Variants in UBR2 observed in about 807,000 individuals in gnomAD.
UBR2 encodes the protein ubiquitin protein ligase E3 component n-recognin 2.
A neutral mutation model predicts 247.9 loss-of-function variants in UBR2; 92 were observed. That is an observed-to-expected ratio of 0.37 (90% CI 0.31 to 0.44). UBR2 has a LOEUF of 0.44. Among genes scored for constraint, UBR2 ranks in the 20% least tolerant of loss-of-function variants. UBR2 has a pLI of 1.00. For synonymous variants in UBR2, 672 were observed against 693.5 expected (o/e 0.97, Z 0.49); for missense variants, 1,613 against 2,112.6 (o/e 0.76, Z 4.64).
intron 18 of UBR2, among the ~76,000 whole-genome samples, chr6:42,643,450 G>A (rs1796560571): frequency 6.6e-6 from 1 of 152,004 alleles, no homozygotes; most frequent in Admixed American, 6.6e-5. Flanking sequence ...ACAAAAATTA[G>A]CCTGGCATGG....
chr6:42,602,734 CTA>C (rs1224973223), intron 4 of UBR2, among the ~76,000 whole-genome samples: 1 of 144,926 alleles, frequency 6.9e-6, no homozygotes, highest in Non-Finnish European at 1.5e-5. Context: ...ATATTTTGCA[CTA>C]TGTTTTATTT....
At chr6:42,628,588 T>C (rs1438987150) in intron 11 of UBR2, among the ~76,000 whole-genome samples, 3 of 151,990 alleles carry the variant, frequency 2.0e-5, no homozygotes, top group Non-Finnish European at 4.4e-5. Context: ...CTGGGCATGG[T>C]GGCAGGTGCT....
intron 21 of UBR2, among the ~76,000 whole-genome samples, chr6:42,646,625 T>TG (rs1314307471): frequency 6.6e-6 from 1 of 152,100 alleles, no homozygotes; most frequent in African/African-American, 2.4e-5. Flanking sequence ...TGGTATCTAG[T>TG]GGGTAGAGGC....
intron 36 of UBR2, 91 bp from the exon 37 acceptor site, chr6:42,673,700 A>T: frequency 1.2e-6 from 1 of 832,598 alleles, no homozygotes. Context: ...GAGCAGTTTC[A>T]TTGTGCATCC....
Position 42,646,810 on chromosome 6 carries a change from T to TAG in UBR2, c.2409+1221_2409+1222insGA, listed in dbSNP as rs200969308. Among the ~76,000 whole-genome samples the TAG allele has an allele frequency of 2.0e-3, 286 of 146,554 alleles. 2 individuals are homozygous for TAG. The highest frequency in any genetic ancestry group is 6.3e-3 in the African/African-American group (247 of 39,168). On this transcript the variant is annotated intron_variant, in intron 21 of 46. Coordinates refer to ENST00000372901, the MANE Select transcript of UBR2 (RefSeq NM_001363705.2). The stretch of plus-strand genomic sequence containing the variant: ...ACAATAATTTATATATATATGTTTA[T>TAG]ATATATATATAGAGAGAGAGAGAGA...
chr6:42,633,972 C>G (rs1006087213), intron 13 of UBR2, among the ~76,000 whole-genome samples: 1 of 152,138 alleles, frequency 6.6e-6, no homozygotes, highest in Non-Finnish European at 1.5e-5. Context: ...CTCAAGTGAT[C>G]CGCCCACCTC....
At chr6:42,666,872 C>T (rs1359578100) in intron 34 of UBR2, among the ~76,000 whole-genome samples, 1 of 152,140 alleles carries the variant, frequency 6.6e-6, no homozygotes, top group Non-Finnish European at 1.5e-5. Context: ...CCAGCACCAC[C>T]ACTTATTAGC....
At chr6:42,610,116 G>A (rs1012235983) in intron 7 of UBR2, among the ~76,000 whole-genome samples, 1 of 152,142 alleles carries the variant, frequency 6.6e-6, no homozygotes, top group East Asian at 1.9e-4. Flanking sequence ...GTTCAAGGCT[G>A]TAGTATGTGA....
chr6:42,659,604 T>TA lies in UBR2; in HGVS notation c.3243-51dup. 4 of 1,525,760 alleles carry TA rather than the reference T, an allele frequency of 2.6e-6. No individual in the cohort carries two copies. Among genetic ancestry groups the TA allele is most frequent in the Non-Finnish European group, 3.6e-6 (4 of 1,116,332 alleles). The allele number at this position is 1,525,760 out of a possible 1,614,324, so 94.5% of individuals were successfully genotyped here. A position where few individuals can be genotyped will look rare whatever the true frequency, so the allele number is the denominator to read the frequency against. ...TACCTGTAGTCTGCTATTTTGTGAT[T>TA]ATATAGAAAGTTTTGGGATCATTAA... On this transcript the variant is annotated intron_variant, in intron 29 of 46. Transcript: ENST00000372901. The surrounding 1 kb of genome is among the most constrained non-coding windows in gnomAD (Gnocchi z 4.3).
chr6:42,597,097 C>A (rs1793023675), intron 4 of UBR2, among the ~76,000 whole-genome samples: 1 of 152,186 alleles, frequency 6.6e-6, no homozygotes. Context: ...AATCTGCCTA[C>A]ATTTGCTCTG....
At chr6:42,616,152 T>C (rs1794533440) in intron 10 of UBR2, 62 bp downstream of exon 10, 2 of 1,158,160 alleles carry the variant, frequency 1.7e-6, no homozygotes, top group Non-Finnish European at 2.4e-6. Flanking sequence ...CATAATTATA[T>C]CTAGGCTTCA....
chr6:42,605,062 AC>A (rs1363464516), intron 5 of UBR2, among the ~76,000 whole-genome samples: 1 of 151,732 alleles, frequency 6.6e-6, no homozygotes, highest in Non-Finnish European at 1.5e-5. Flanking sequence ...ACCATTATAA[AC>A]TGTGCAAGAT....
chr6:42,635,823 A>T (rs1796055700), intron 14 of UBR2, among the ~76,000 whole-genome samples: 2 of 152,216 alleles, frequency 1.3e-5, no homozygotes, highest in South Asian at 2.1e-4. Flanking sequence ...GACTTTGAGG[A>T]TATAAAAATG....
At chr6:42,630,185 C>CTT (rs771762360) in intron 11 of UBR2, among the ~76,000 whole-genome samples, 1 of 137,944 alleles carries the variant, frequency 7.2e-6, no homozygotes. Flanking sequence ...TTATTATTTA[C>CTT]TTTTTTTTTT....
In UBR2 at chr6:42,631,885, TATATAA is replaced by T. The variant is rs1363216273; in HGVS notation, c.1282-663_1282-658del. On this transcript the variant is annotated intron_variant, in intron 11 of 46. Transcript: ENST00000372901. The stretch of plus-strand genomic sequence containing the variant: ...TTATATATATATATATATATATATA[TATATAA>T]ATACAGGTTCTGTAATTATATATAT... 2.3e-4 allele frequency among the ~76,000 whole-genome samples: 30 copies of T among 128,098 alleles called. 1 individual carries two copies. Among genetic ancestry groups the T allele is most frequent in the South Asian group, 9.8e-4 (4 of 4,080 alleles). 84.0% of individuals were successfully genotyped at this position (128,098 alleles called of 152,430 possible).
chr6:42,622,390 T>G (rs1207723514), intron 11 of UBR2, among the ~76,000 whole-genome samples: 3 of 149,478 alleles, frequency 2.0e-5, no homozygotes, highest in South Asian at 2.1e-4. Context: ...ACATTGTTTT[T>G]GGGTTTTTTG....
At position 42,691,156 on chromosome 6, in the gene UBR2, G is replaced by A; in HGVS notation, c.5251G>A (p.Asp1751Asn). ...QEANQTLVGI[D>N]WQHL Reference sequence around the variant, plus strand: ...AGCCAATCAGACACTGGTTGGCATTGACTGGCAACATTTATAATTATTGCA... The same window carrying A: ...AGCCAATCAGACACTGGTTGGCATTAACTGGCAACATTTATAATTATTGCA... The change falls in exon 47 of 47, where the codon GAC becomes AAC. Residue 1751 changes from aspartate to asparagine, a missense_variant. Around this residue, in one of 3 missense-constraint regions of UBR2, gnomAD observed 80 missense variants for 108.6 expected, o/e 0.74. Coordinates refer to ENST00000372901, the MANE Select transcript of UBR2 (RefSeq NM_001363705.2). 1 of 1,613,692 alleles carries A rather than the reference G, an allele frequency of 6.2e-7. No individual in the cohort carries two copies. The highest frequency in any genetic ancestry group is 8.5e-7 in the Non-Finnish European group (1 of 1,179,938).
Position 42,573,969 on chromosome 6 carries a change from T to C in UBR2, c.314T>C (p.Val105Ala), listed in dbSNP as rs1309115245. 1 of 1,609,306 alleles carries C rather than the reference T, an allele frequency of 6.2e-7. No homozygotes were observed. Residue 105 changes from valine (V) to alanine (A), a missense_variant, in exon 2 of 47, where the codon GTA (valine) becomes GCA (alanine). Transcript: ENST00000372901. ...CATCTTTGTGGTCGTGTTTTTAAAG[T>C]AGGAGAGCCTACATATTCTTGCAGG... ...PSHLCGRVFK[V>A]GEPTYSCRDC...
chr6:42,588,464 G>A (rs1792435437), intron 2 of UBR2, among the ~76,000 whole-genome samples: 1 of 152,172 alleles, frequency 6.6e-6, no homozygotes, highest in South Asian at 2.1e-4. Flanking sequence ...GAAGCTAGAA[G>A]TTTAAGACTA....
Sources: gnomAD v4.1 joint callset for allele counts (sites outside exome capture counted in the v4.1 genomes callset) on GRCh38, gnomAD v4.1.1 for gene constraint, gnomAD v4.1.1 regional missense constraint, Gnocchi (gnomAD v3.1) non-coding constraint, MANE v1.5 for transcripts, NCBI Gene and HGNC (gene_info 2026-07-23, HGNC 2026-07-21) for gene names.